The following KIAA1671 variants were observed in gnomAD, a reference collection of about 807,000 sequenced individuals.
The protein encoded by KIAA1671 is KIAA1671, also known as uncharacterized protein KIAA1671.
A neutral mutation model predicts 131.2 loss-of-function variants in KIAA1671; 52 were observed. The ratio of observed to expected loss-of-function variants is 0.40; its 90% confidence interval spans 0.32 to 0.50. The LOEUF (loss-of-function observed/expected upper bound fraction) is 0.50, where lower values mean the gene tolerates loss of function less well. Ranked by LOEUF, KIAA1671 falls within the 20% of genes least tolerant of loss-of-function variation. KIAA1671 has a pLI of 0.73. For missense variants in KIAA1671, 2,360 were observed against 2,364.2 expected (o/e 1.00, Z 0.04); for synonymous variants, 1,003 against 961.6 (o/e 1.04, Z -0.80).
At chr22:24,973,637 C>G (rs570512967) in intron 1 of KIAA1671, among the ~76,000 whole-genome samples, 4 of 151,994 alleles carry the variant, frequency 2.6e-5, no homozygotes, top group Admixed American at 6.5e-5. Flanking sequence ...CTCAAGTGAC[C>G]TGCCTGCCTC....
chr22:25,131,479 A>T (rs1932439945), intron 6 of KIAA1671, among the ~76,000 whole-genome samples: 1 of 152,202 alleles, frequency 6.6e-6, no homozygotes, highest in Admixed American at 6.5e-5. Context: ...GGCAGGTGGC[A>T]CGGGGCTGCT....
intron 1 of KIAA1671, among the ~76,000 whole-genome samples, chr22:24,994,121 C>A (rs113973584): frequency 6.6e-6 from 1 of 152,100 alleles, no homozygotes; most frequent in Non-Finnish European, 1.5e-5. Flanking sequence ...GCAAGTGTTA[C>A]AACCTCATCA....
intron 1 of KIAA1671, among the ~76,000 whole-genome samples, chr22:25,007,496 GA>G (rs141806128): frequency 0.012 from 1,715 of 140,182 alleles, 24 homozygotes; most frequent in African/African-American, 0.034. Flanking sequence ...AAAAGCAAGG[GA>G]AAAAAAAAAA....
At position 25,039,602 on chromosome 22, in the gene KIAA1671, C is replaced by T. The variant is rs1041500344; in HGVS notation, c.2472C>T (p.Gly824=). ...GGNCPFPKWT[G]GAVVSSHKAT... is the part of the protein sequence containing the mutation. The stretch of plus-strand genomic sequence containing the variant: ...ATTGCCCGTTTCCCAAATGGACAGG[C>T]GGGGCAGTGGTGAGCTCGCACAAAG... The change falls in exon 5 of 13, where the codon GGC becomes GGT. Residue 824 remains glycine (G), a synonymous_variant. Transcript: ENST00000358431. The T allele has an allele frequency of 1.8e-5, 28 of 1,551,478 alleles. No homozygotes were observed. Among genetic ancestry groups the T allele is most frequent in the East Asian group, 2.4e-5 (1 of 40,920 alleles).
intron 6 of KIAA1671, among the ~76,000 whole-genome samples, chr22:25,129,099 A>G (rs1005852079): frequency 2.1e-5 from 3 of 146,308 alleles, no homozygotes; most frequent in African/African-American, 7.5e-5. Context: ...GAGCCAAGTC[A>G]GTGGTCCTTT....
chr22:25,070,307 C>T (rs1431974916), intron 6 of KIAA1671: 4 of 419,884 alleles, frequency 9.5e-6, no homozygotes, highest in African/African-American at 6.2e-5. Context: ...AGAGCCGCTC[C>T]CGCTAGAGGA....
At chr22:25,065,221 G>T (rs1262187653) in intron 6 of KIAA1671, 4 of 152,196 alleles carry the variant, frequency 2.6e-5, no homozygotes, top group Non-Finnish European at 4.4e-5. Flanking sequence ...GATGATGGAT[G>T]ACGTGCTGGT....
chr22:25,117,435 C>T (rs772402976), intron 6 of KIAA1671, among the ~76,000 whole-genome samples: 2 of 152,088 alleles, frequency 1.3e-5, no homozygotes, highest in Non-Finnish European at 2.9e-5. Flanking sequence ...ATGACCACAC[C>T]CTGCACTGGG....
chr22:25,187,592 G>A (rs1043497059), intron 11 of KIAA1671, among the ~76,000 whole-genome samples: 3 of 151,908 alleles, frequency 2.0e-5, no homozygotes, highest in South Asian at 2.1e-4. Context: ...TTATAGCCTC[G>A]ACCTCCCCAG....
At chr22:25,046,342 T>G (rs896832368) in intron 5 of KIAA1671, among the ~76,000 whole-genome samples, 1 of 110,830 alleles carries the variant, frequency 9.0e-6, no homozygotes, top group Non-Finnish European at 1.9e-5. Context: ...CAAGGTTGGT[T>G]CCTTGGGTGA....
At chr22:25,036,820 A>G (rs1037055161) in intron 4 of KIAA1671, among the ~76,000 whole-genome samples, 2 of 152,148 alleles carry the variant, frequency 1.3e-5, no homozygotes, top group African/African-American at 4.8e-5. Context: ...GCCACTCGGG[A>G]GGCTGAGGCA....
chr22:25,034,903 A>T (rs1232332424), intron 4 of KIAA1671, among the ~76,000 whole-genome samples: 2 of 148,852 alleles, frequency 1.3e-5, no homozygotes, highest in Non-Finnish European at 3.0e-5. Context: ...ACGCCTGGCT[A>T]ATTTTTTGTA....
intron 6 of KIAA1671, among the ~76,000 whole-genome samples, chr22:25,156,049 T>A (rs1414688626): frequency 9.0e-6 from 1 of 110,648 alleles, no homozygotes; most frequent in African/African-American, 3.5e-5. Context: ...TGAGATGGAG[T>A]CTTGCTGTGG....
At chr22:25,020,317 TG>T (rs1925593451) in intron 1 of KIAA1671, among the ~76,000 whole-genome samples, 1 of 152,224 alleles carries the variant, frequency 6.6e-6, no homozygotes, top group South Asian at 2.1e-4. Context: ...TCATTTAGCA[TG>T]GTGCCTAACT....
intron 10 of KIAA1671, among the ~76,000 whole-genome samples, chr22:25,184,212 A>C (rs1247945458): frequency 6.6e-6 from 1 of 152,240 alleles, no homozygotes. Context: ...AGTTCATAAA[A>C]GCTGTGTGAC....
At chr22:25,102,225 G>A (rs540207216) in intron 6 of KIAA1671, among the ~76,000 whole-genome samples, 5 of 152,334 alleles carry the variant, frequency 3.3e-5, no homozygotes, top group Non-Finnish European at 7.4e-5. Flanking sequence ...TTTCCTAGGA[G>A]ATATCAGAGA....
At chr22:24,983,174 C>T (rs899164496) in intron 1 of KIAA1671, among the ~76,000 whole-genome samples, 2 of 152,094 alleles carry the variant, frequency 1.3e-5, no homozygotes, top group South Asian at 2.1e-4. Context: ...AGCTGAGCTT[C>T]GGCTTGTGCT....
At chr22:25,128,688 C>T (rs527651862) in intron 6 of KIAA1671, among the ~76,000 whole-genome samples, 2 of 152,214 alleles carry the variant, frequency 1.3e-5, no homozygotes, top group South Asian at 4.2e-4. Flanking sequence ...AGCCCCAGCC[C>T]CATCTCTTTG....
chr22:25,115,637 G>C (rs1931614073), intron 6 of KIAA1671, among the ~76,000 whole-genome samples: 1 of 152,206 alleles, frequency 6.6e-6, no homozygotes, highest in Admixed American at 6.5e-5. Flanking sequence ...AGGCTAGACT[G>C]GTGCCTCAGG....
Sources: gnomAD v4.1 joint callset for allele counts (sites outside exome capture counted in the v4.1 genomes callset) on GRCh38, gnomAD v4.1.1 for gene constraint, MANE v1.5 for transcripts, NCBI Gene and HGNC (gene_info 2026-07-23, HGNC 2026-07-21) for gene names.